The following DEUP1 variants were observed in gnomAD, a reference collection of about 807,000 sequenced individuals.
DEUP1 encodes coiled-coil domain containing 67.
In DEUP1, 82 loss-of-function variants were observed where a neutral mutation model predicts 87.4. That is an observed-to-expected ratio of 0.94 (90% CI 0.78 to 1.13). The LOEUF is 1.13. Ranked by LOEUF, DEUP1 falls within the 50% of genes most tolerant of loss-of-function variation. DEUP1 has a pLI of 0.00. For missense variants in DEUP1, 663 were observed against 681.5 expected (o/e 0.97, Z 0.30); for synonymous variants, 214 against 222.7 (o/e 0.96, Z 0.35).
Position 93,408,295 on chromosome 11 carries a change from AT to A in DEUP1, c.1392del (p.Asn464LysfsTer37). 6.3e-7 allele frequency: 1 copy of A among 1,584,116 alleles called. No homozygotes were observed. Among genetic ancestry groups the A allele is most frequent in the Non-Finnish European group, 8.6e-7 (1 of 1,163,714 alleles). ...TCTATTAATAAACTGCAATATGAGA[AT>A]GAAAGGCTCCGAAATGATCTTGCAA... ...HTSINKLQYE[N>X]ERLRNDLAKL... On this transcript the variant is annotated frameshift_variant, in exon 12 of 14. Coordinates refer to ENST00000298050, the MANE Select transcript of DEUP1 (RefSeq NM_181645.4). LOFTEE classifies it high-confidence loss of function.
chr11:93,406,165 C>A (rs1034486147), intron 11 of DEUP1, among the ~76,000 whole-genome samples: 9 of 152,050 alleles, frequency 5.9e-5, no homozygotes, highest in African/African-American at 2.2e-4. Context: ...CTAAACCTCT[C>A]ATTTTGTAAT....
intron 7 of DEUP1, among the ~76,000 whole-genome samples, chr11:93,381,402 T>G (rs1290881143): frequency 2.0e-5 from 3 of 152,198 alleles, no homozygotes; most frequent in African/African-American, 4.8e-5. Flanking sequence ...GACAACAATT[T>G]ACATCTGAAT....
intron 7 of DEUP1, among the ~76,000 whole-genome samples, chr11:93,384,136 C>T (rs1301937443): frequency 6.6e-6 from 1 of 152,168 alleles, no homozygotes; most frequent in East Asian, 1.9e-4. Flanking sequence ...TGGTCCCCAA[C>T]CTCAAATGAG....
chr11:93,400,944 A>G (rs377102956), intron 11 of DEUP1, among the ~76,000 whole-genome samples: 43 of 152,294 alleles, frequency 2.8e-4, no homozygotes, highest in African/African-American at 9.9e-4. Flanking sequence ...AGTCCTGGCC[A>G]GAGCAATTAG....
chr11:93,343,816 A>G (rs1173847300), intron 2 of DEUP1, among the ~76,000 whole-genome samples: 2 of 152,192 alleles, frequency 1.3e-5, no homozygotes, highest in Non-Finnish European at 2.9e-5. Context: ...CCTTTAGAAC[A>G]AGGCCTTTAT....
chr11:93,373,636 T>TGC (rs1565316474), intron 7 of DEUP1, among the ~76,000 whole-genome samples: 7 of 146,824 alleles, frequency 4.8e-5, no homozygotes, highest in African/African-American at 1.7e-4. Flanking sequence ...TATATATATA[T>TGC]ATATATATAT....
intron 2 of DEUP1, among the ~76,000 whole-genome samples, chr11:93,341,165 C>T (rs776881018): frequency 7.2e-5 from 11 of 152,074 alleles, no homozygotes; most frequent in South Asian, 4.1e-4. Flanking sequence ...CGCCTGTAAT[C>T]CCAATGCTTT....
In DEUP1 at chr11:93,385,453, T is replaced by G. The variant is rs763240784; in HGVS notation, c.845T>G (p.Leu282Arg). 1.2e-6 allele frequency: 2 copies of G among 1,612,562 alleles called. No individual in the cohort carries two copies. The highest frequency in any genetic ancestry group is 2.2e-5 in the East Asian group (1 of 44,830). ...VKSELQSRDD[L>R]LRIIEMERLQ... ...AGTGAGTTACAGTCACGTGATGATC[T>G]CTTGAGAATTATAGAAATGGAACGA... Residue 282 changes from leucine to arginine, a missense_variant, in exon 8 of 14, where the codon CTC becomes CGC. Leu to Arg is a moderately radical substitution (Grantham distance 102). Coordinates refer to ENST00000298050, the MANE Select transcript of DEUP1 (RefSeq NM_181645.4).
chr11:93,368,871 G>A (rs999567742), intron 5 of DEUP1, among the ~76,000 whole-genome samples: 139 of 152,218 alleles, frequency 9.1e-4, no homozygotes, highest in East Asian at 3.9e-4. Flanking sequence ...GGGAGGTAGA[G>A]GTTGCAGTGA....
At chr11:93,346,318 G>A (rs1339435234) in intron 2 of DEUP1, among the ~76,000 whole-genome samples, 1 of 152,176 alleles carries the variant, frequency 6.6e-6, no homozygotes, top group Non-Finnish European at 1.5e-5. Flanking sequence ...CCGCCTTCCA[G>A]GCTCAAGTGA....
chr11:93,415,187 C>G, intron 13 of DEUP1, 73 bp downstream of exon 13: 2 of 883,458 alleles, frequency 2.3e-6, no homozygotes, highest in Non-Finnish European at 3.7e-6. Flanking sequence ...TGTCAATAAA[C>G]TGACGTACAT....
At chr11:93,436,991 T>G (rs1281509720) in intron 13 of DEUP1, among the ~76,000 whole-genome samples, 2 of 152,144 alleles carry the variant, frequency 1.3e-5, no homozygotes, top group Non-Finnish European at 2.9e-5. Flanking sequence ...CCTGATACTT[T>G]CTTCTCTGTG....
In DEUP1 at chr11:93,368,130, T is replaced by G. The variant is rs577062143; in HGVS notation, c.433-1943T>G. Among the ~76,000 whole-genome samples, 5 of 152,336 alleles carry G rather than the reference T, an allele frequency of 3.3e-5. No individual in the cohort carries two copies. The South Asian group carries it at 1.0e-3, about 32-fold the overall frequency. Reference sequence around the variant, plus strand: ...TAACTGCACTACTTGAGCAAAAACTTGAAGAACTGATCCTGCTTTATCAAC... The same window carrying G: ...TAACTGCACTACTTGAGCAAAAACTGGAAGAACTGATCCTGCTTTATCAAC... On this transcript the variant is annotated intron_variant, in intron 5 of 13. Coordinates refer to ENST00000298050, the MANE Select transcript of DEUP1 (RefSeq NM_181645.4).
rs775488544 is a variant in DEUP1 at position 93,437,756 on chromosome 11, C to G, written c.*37C>G. 2.9e-6 allele frequency: 3 copies of G among 1,038,666 alleles called. No homozygotes were observed. Among genetic ancestry groups the G allele is most frequent in the Non-Finnish European group, 4.2e-6 (3 of 713,298 alleles). 64.3% of individuals were successfully genotyped at this position (1,038,666 alleles called of 1,614,324 possible). On this transcript the variant is annotated 3_prime_UTR_variant, in exon 14 of 14. Transcript: ENST00000298050. ...TTTTTATTTGCTTCCCCCCCCCACC[C>G]CCGCCAAGAAAAAAAGCTCTGGCAA...
chr11:93,370,473 G>T (rs1191558713), intron 6 of DEUP1, among the ~76,000 whole-genome samples: 1 of 152,192 alleles, frequency 6.6e-6, no homozygotes, highest in Admixed American at 6.5e-5. Flanking sequence ...ACGATTGCTT[G>T]CTTTACTTTG....
At position 93,334,229 on chromosome 11, in the gene DEUP1, A is replaced by G. The variant is rs150046683; in HGVS notation, c.29+1941A>G. 6.6e-5 allele frequency among the ~76,000 whole-genome samples: 10 copies of G among 152,308 alleles called. 1 individual carries two copies. In the East Asian group the frequency reaches 1.9e-3, roughly 29 times the overall value. On this transcript the variant is annotated intron_variant, in intron 2 of 13. Transcript: ENST00000298050. ...ACATGCTATTGAGAGTTATGTATAA[A>G]TCTAGATCATGAATACAATAAAACT...
intron 11 of DEUP1, among the ~76,000 whole-genome samples, chr11:93,399,015 G>A (rs561021785): frequency 3.9e-5 from 6 of 152,036 alleles, no homozygotes; most frequent in East Asian, 3.9e-4. Context: ...GAGCCACCCC[G>A]TCCACCCTCA....
chr11:93,371,235 T>A lies in DEUP1; in HGVS notation c.744T>A (p.Asn248Lys), dbSNP rs910368136. ...GCAGGAATAAATTACAAGATGAAAA[T>A]CAGAAGCTCTTGCAAGAACTGAAAA... ...ALSRNKLQDE[N>K]QKLLQELKMY... The change falls in exon 7 of 14, where the codon AAT becomes AAA. Residue 248 changes from asparagine (N) to lysine (K), a missense_variant. Coordinates refer to ENST00000298050, the MANE Select transcript of DEUP1 (RefSeq NM_181645.4). The A allele has an allele frequency of 1.2e-6, 2 of 1,613,118 alleles. No homozygotes were observed. Among genetic ancestry groups the A allele is most frequent in the Non-Finnish European group, 8.5e-7 (1 of 1,179,594 alleles).
At chr11:93,413,450 G>A (rs1165344290) in intron 12 of DEUP1, among the ~76,000 whole-genome samples, 3 of 152,108 alleles carry the variant, frequency 2.0e-5, no homozygotes, top group East Asian at 1.9e-4. Flanking sequence ...CACCATGTTA[G>A]CCGAGATGGT....
Sources: allele counts gnomAD v4.1 joint callset (sites outside exome capture counted in the v4.1 genomes callset), GRCh38; gene constraint gnomAD v4.1.1; transcripts MANE v1.5; gene names NCBI Gene and HGNC (gene_info 2026-07-23, HGNC 2026-07-21).